Variants in PON3 observed in about 807,000 individuals in gnomAD.
PON3 encodes the protein serum paraoxonase/lactonase 3.
In PON3, 37 loss-of-function variants were observed where a neutral mutation model predicts 36.3. The ratio of observed to expected loss-of-function variants is 1.02; its 90% CI spans 0.78 to 1.34. PON3 has a LOEUF of 1.34. Among genes scored for constraint, PON3 ranks in the 40% most tolerant of loss-of-function variants. PON3 has a pLI of 0.00. For synonymous variants in PON3, 155 were observed against 154.8 expected (o/e 1.00, Z -0.01); for missense variants, 415 against 426.5 (o/e 0.97, Z 0.24).
intron 4 of PON3, among the ~76,000 whole-genome samples, chr7:95,371,820 CTTATG>C (rs886207354): frequency 1.6e-4 from 25 of 151,810 alleles, no homozygotes; most frequent in Non-Finnish European, 1.3e-4. Context: ...TTTTTTCCCC[CTTATG>C]TTATGTTTTT....
chr7:95,391,666 T>C (rs1477862519), intron 2 of PON3, among the ~76,000 whole-genome samples: 1 of 152,232 alleles, frequency 6.6e-6, no homozygotes, highest in Non-Finnish European at 1.5e-5. Context: ...TACAGCCTAC[T>C]ATACCCTACC....
intron 5 of PON3, 129 bp downstream of exon 5, chr7:95,367,233 A>C (rs1808717294): frequency 8.6e-7 from 1 of 1,160,042 alleles, no homozygotes; most frequent in Non-Finnish European, 1.2e-6. Flanking sequence ...GGGAATCATT[A>C]GAAAGCTTTA....
rs1207913451 is a variant in PON3, at chr7:95,362,836, A to G, written c.701T>C (p.Val234Ala). ...GITVSADQKYVYVADVAAKNI... is the reference protein window; with the variant it reads ...GITVSADQKYAYVADVAAKNI... ...CTTAGCTGCTACATCAGCTACATAG[A>G]CATACCTTTGAAGTAAATGACATTT... Residue 234 changes from valine (V) to alanine (A), a missense_variant, in exon 7 of 9, where the codon GTC becomes GCC. Physicochemically the swap from Val to Ala is moderately conservative, Grantham distance 64. Coordinates refer to ENST00000265627, the MANE Select transcript of PON3 (RefSeq NM_000940.3). 1.2e-6 allele frequency: 2 copies of G among 1,606,506 alleles called. No homozygotes were observed. The highest frequency in any genetic ancestry group is 2.7e-5 in the African/African-American group (2 of 74,748).
At chr7:95,389,837 G>A (rs1809279789) in intron 3 of PON3, among the ~76,000 whole-genome samples, 1 of 152,210 alleles carries the variant, frequency 6.6e-6, no homozygotes, top group Non-Finnish European at 1.5e-5. Flanking sequence ...ATAGGGCAAT[G>A]ATGAGAATGG....
rs1585715558 is a variant in PON3 at position 95,359,884 on chromosome 7, A to G, written c.*89T>C. ...CCACACTCACTGGTTGGTGTTTGCT[A>G]TTTACTTACAGTGCCACTTATCATA... On this transcript the variant is annotated 3_prime_UTR_variant, in exon 9 of 9. Coordinates refer to ENST00000265627, the MANE Select transcript of PON3 (RefSeq NM_000940.3). 1 of 1,368,692 alleles carries G rather than the reference A, an allele frequency of 7.3e-7. No individual in the cohort carries two copies. Among genetic ancestry groups the G allele is most frequent in the South Asian group, 1.3e-5 (1 of 79,778 alleles). The allele number at this position is 1,368,692 out of a possible 1,614,324, so 84.8% of individuals were successfully genotyped here. A position where few individuals can be genotyped will look rare whatever the true frequency, so the allele number is the denominator to read the frequency against.
chr7:95,369,963 A>G (rs1258677683), intron 4 of PON3, among the ~76,000 whole-genome samples: 1 of 152,170 alleles, frequency 6.6e-6, no homozygotes, highest in Admixed American at 6.5e-5. Flanking sequence ...TTCCAGGCAG[A>G]GGGAACAGCA....
Position 95,363,934 on chromosome 7 carries a change from G to A in PON3, c.624C>T (p.Ser208=). 1.9e-6 allele frequency: 3 copies of A among 1,613,838 alleles called. No individual in the cohort carries two copies. The highest frequency in any genetic ancestry group is 2.5e-6 in the Non-Finnish European group (3 of 1,179,780). ...DLRWTYVLFY[S]PREVKVVAKG... ...TGGCCACCACTTTAACCTCCCTTGG[G>A]CTGTAGAAAAGAACATAAGTCCAGC... The change falls in exon 6 of 9, where the codon AGC becomes AGT. Residue 208 remains serine, a synonymous_variant. Coordinates refer to ENST00000265627, the MANE Select transcript of PON3 (RefSeq NM_000940.3).
intron 2 of PON3, 27 bp from the exon 3 acceptor site, chr7:95,390,236 A>C (rs774273350): frequency 6.4e-7 from 1 of 1,563,124 alleles, no homozygotes; most frequent in Admixed American, 1.7e-5. Context: ...GAATCAGAAA[A>C]ATGCATATAT....
intron 3 of PON3, among the ~76,000 whole-genome samples, chr7:95,375,561 T>G (rs1366485136): frequency 6.6e-6 from 1 of 151,948 alleles, no homozygotes; most frequent in Non-Finnish European, 1.5e-5. Flanking sequence ...GGAAGGCAGC[T>G]CAAGACAGAA....
chr7:95,376,455 T>G (rs1457487319), intron 3 of PON3, among the ~76,000 whole-genome samples: 2 of 152,204 alleles, frequency 1.3e-5, no homozygotes, highest in Non-Finnish European at 2.9e-5. Flanking sequence ...GTCCTGAATT[T>G]ATTACAGTGC....
At position 95,363,867 on chromosome 7, in the gene PON3, G is replaced by A; in HGVS notation, c.691C>T (p.Gln231Ter). Residue 231 changes from glutamine to a stop codon, truncating the protein, a stop_gained, in exon 6 of 9, where the codon CAG (glutamine) becomes TAG (stop). Coordinates refer to ENST00000265627, the MANE Select transcript of PON3 (RefSeq NM_000940.3). LOFTEE classifies it high-confidence loss of function. ...AAAATACACAAAAGAGCTTACTTCT[G>A]GTCTGCTGAGACTGTGATCCCATTG... is the stretch of plus-strand genomic sequence containing the variant. ...SANGITVSAD[Q>*]KYVYVADVAA... 6.2e-7 allele frequency: 1 copy of A among 1,612,826 alleles called. No homozygotes were observed. Among genetic ancestry groups the A allele is most frequent in the Non-Finnish European group, 8.5e-7 (1 of 1,178,886 alleles).
chr7:95,383,564 C>T (rs1809114330), intron 3 of PON3, among the ~76,000 whole-genome samples: 1 of 152,056 alleles, frequency 6.6e-6, no homozygotes, highest in Admixed American at 6.5e-5. Flanking sequence ...CAATAACAGA[C>T]AAACAGAGAG....
intron 4 of PON3, among the ~76,000 whole-genome samples, chr7:95,369,890 A>T (rs913652515): frequency 2.6e-5 from 4 of 152,242 alleles, no homozygotes; most frequent in Non-Finnish European, 4.4e-5. Flanking sequence ...TTCCCTGAGA[A>T]GATGATATTT....
intron 4 of PON3, among the ~76,000 whole-genome samples, chr7:95,369,859 G>A (rs1452200858): frequency 6.6e-6 from 1 of 152,176 alleles, no homozygotes; most frequent in Non-Finnish European, 1.5e-5. Context: ...TACACAAATT[G>A]GAACAAGATG....
Position 95,386,765 on chromosome 7 carries a change from C to G in PON3, c.201+3389G>C, listed in dbSNP as rs192581203. 1.3e-3 allele frequency among the ~76,000 whole-genome samples: 195 copies of G among 152,246 alleles called. 1 individual carries two copies. The highest frequency in any genetic ancestry group is 4.6e-3 in the African/African-American group (189 of 41,530). On this transcript the variant is annotated intron_variant, in intron 3 of 8. Transcript: ENST00000265627. ...AATACTGGCAAACCGAATCCAGCAA[C>G]ACATCAAAAAGCTTATCCACCATGA...
intron 3 of PON3, among the ~76,000 whole-genome samples, chr7:95,375,840 C>G (rs17881310): frequency 0.011 from 1,743 of 152,310 alleles, 30 homozygotes; most frequent in South Asian, 0.048. Context: ...TCTTTTCATA[C>G]CATTCACTGG....
chr7:95,377,261 G>C (rs538424778), intron 3 of PON3, among the ~76,000 whole-genome samples: 1 of 152,162 alleles, frequency 6.6e-6, no homozygotes, highest in Non-Finnish European at 1.5e-5. Context: ...CAAAGAGGCC[G>C]GGAAGCTTGA....
intron 4 of PON3, 129 bp from the exon 5 acceptor site, chr7:95,367,617 A>T: frequency 1.1e-6 from 1 of 944,860 alleles, no homozygotes; most frequent in Non-Finnish European, 1.6e-6. Flanking sequence ...CACAGTCTAC[A>T]TGATAGGTAA....
At position 95,362,686 on chromosome 7, in the gene PON3, G is replaced by A. The variant is rs571908084; in HGVS notation, c.777+74C>T. Reference sequence around the variant, plus strand: ...AAATAGCCATGTTTTCCTCATTCAAGGGGCACATTCCTGGGTCAAGTATGG... The same window carrying A: ...AAATAGCCATGTTTTCCTCATTCAAAGGGCACATTCCTGGGTCAAGTATGG... On this transcript the variant is annotated intron_variant, in intron 7 of 8. Coordinates refer to ENST00000265627, the MANE Select transcript of PON3 (RefSeq NM_000940.3). The A allele has an allele frequency of 2.7e-5, 38 of 1,418,724 alleles. No individual in the cohort carries two copies. In the African/African-American group the frequency reaches 5.2e-4, roughly 20 times the overall value. 87.9% of individuals were successfully genotyped at this position (1,418,724 alleles called of 1,614,324 possible). A position where few individuals can be genotyped will look rare whatever the true frequency, so the allele number is the denominator to read the frequency against.
Sources: allele counts gnomAD v4.1 joint callset (sites outside exome capture counted in the v4.1 genomes callset), GRCh38; gene constraint gnomAD v4.1.1; transcripts MANE v1.5; gene names NCBI Gene and HGNC (gene_info 2026-07-23, HGNC 2026-07-21).